Variants in TTC7A observed in about 807,000 individuals in gnomAD.
TTC7A encodes tetratricopeptide repeat protein 7A.
In TTC7A, 110 loss-of-function variants were observed where a neutral mutation model predicts 103.7. That is an observed-to-expected ratio of 1.06 (90% CI 0.91 to 1.24). The LOEUF (loss-of-function observed/expected upper bound fraction) is 1.24. TTC7A is among the 50% of genes most tolerant of loss of function. The pLI is 0.00. For synonymous variants in TTC7A, 521 were observed against 467.9 expected (o/e 1.11, Z -1.47); for missense variants, 1,340 against 1,116.3 (o/e 1.20, Z -2.86).
At chr2:46,933,428 C>G (rs1669814291) in intron 2 of TTC7A, among the ~76,000 whole-genome samples, 1 of 152,198 alleles carries the variant, frequency 6.6e-6, no homozygotes, top group African/African-American at 2.4e-5. Context: ...ACAAAGAATT[C>G]ATGATTCTGA....
chr2:47,042,058 G>A (rs1188119575), intron 15 of TTC7A, among the ~76,000 whole-genome samples: 1 of 152,174 alleles, frequency 6.6e-6, no homozygotes, highest in African/African-American at 2.4e-5. Flanking sequence ...CCTGCGGGTG[G>A]TAGAGACAAG....
At chr2:46,989,513 C>G (rs1306888545) in intron 5 of TTC7A, among the ~76,000 whole-genome samples, 1 of 152,176 alleles carries the variant, frequency 6.6e-6, no homozygotes. Flanking sequence ...TGTGCTTTCT[C>G]ATTTCTCAGA....
intron 8 of TTC7A, among the ~76,000 whole-genome samples, chr2:46,997,542 A>G (rs1335163914): frequency 6.6e-6 from 1 of 152,226 alleles, no homozygotes; most frequent in Non-Finnish European, 1.5e-5. Flanking sequence ...GGTCCAGGAC[A>G]GGTATGGCTG....
chr2:47,037,681 T>TGGGCACCTTGCTGC (rs1231894917), intron 15 of TTC7A, among the ~76,000 whole-genome samples: 6 of 152,236 alleles, frequency 3.9e-5, no homozygotes, highest in African/African-American at 1.4e-4. Flanking sequence ...GGCACTGCTG[T>TGGGCACCTTGCTGC]GGGCACCTTG....
intron 11 of TTC7A, among the ~76,000 whole-genome samples, chr2:47,017,530 C>G (rs1266835982): frequency 3.9e-5 from 6 of 151,934 alleles, no homozygotes; most frequent in Non-Finnish European, 7.4e-5. Flanking sequence ...GAGCGAGACC[C>G]CATCTCAAAA....
intron 8 of TTC7A, 117 bp downstream of exon 8, chr2:46,995,316 C>T: frequency 1.0e-6 from 1 of 988,358 alleles, no homozygotes; most frequent in South Asian, 1.4e-5. Context: ...CAGGGATACT[C>T]CTAAAGTAGA....
At chr2:47,057,083 A>T (rs1160378945) in intron 18 of TTC7A, among the ~76,000 whole-genome samples, 1 of 152,220 alleles carries the variant, frequency 6.6e-6, no homozygotes, top group African/African-American at 2.4e-5. Context: ...CCCCAGGGCT[A>T]CTGCAGCTAT....
At chr2:46,962,160 C>G (rs1458005082) in intron 3 of TTC7A, among the ~76,000 whole-genome samples, 1 of 152,212 alleles carries the variant, frequency 6.6e-6, no homozygotes, top group Non-Finnish European at 1.5e-5. Context: ...CTCCTGGTGT[C>G]CAACATAATC....
intron 18 of TTC7A, among the ~76,000 whole-genome samples, chr2:47,054,561 G>A (rs114113890): frequency 0.035 from 5,327 of 152,012 alleles, 330 homozygotes; most frequent in African/African-American, 0.12. Flanking sequence ...GGCCGGGTGC[G>A]GTGGCTCATG....
intron 3 of TTC7A, among the ~76,000 whole-genome samples, chr2:46,959,061 G>A (rs192514426): frequency 1.2e-4 from 18 of 152,280 alleles, no homozygotes; most frequent in East Asian, 5.8e-4. Context: ...ACTCATGCGC[G>A]GATCTCACAG....
intron 5 of TTC7A, among the ~76,000 whole-genome samples, chr2:46,985,219 T>G (rs1674892144): frequency 6.6e-6 from 1 of 151,458 alleles, no homozygotes; most frequent in South Asian, 2.1e-4. Context: ...CTGAGGCACA[T>G]GTTTTGGTCC....
At position 47,073,683 on chromosome 2, in the gene TTC7A, C is replaced by T; in HGVS notation, c.2356-19C>T. The T allele has an allele frequency of 6.2e-7, 1 of 1,612,330 alleles. No individual in the cohort carries two copies. Among genetic ancestry groups the T allele is most frequent in the Middle Eastern group, 1.7e-4 (1 of 6,056 alleles). ...CCATGGGACACCCCTACTCACCCTG[C>T]CCTGTGCTTCGTCCACAGGGTCTGA... On this transcript the variant is annotated intron_variant, in intron 19 of 19. Transcript: ENST00000319190.
At chr2:46,951,435 A>G (rs1368987363) in intron 2 of TTC7A, among the ~76,000 whole-genome samples, 2 of 152,124 alleles carry the variant, frequency 1.3e-5, no homozygotes, top group Non-Finnish European at 2.9e-5. Flanking sequence ...ATCCTGAACT[A>G]TAATAGTGGC....
At chr2:46,968,646 C>G (rs1229983191) in intron 3 of TTC7A, among the ~76,000 whole-genome samples, 1 of 152,190 alleles carries the variant, frequency 6.6e-6, no homozygotes, top group Non-Finnish European at 1.5e-5. Context: ...TTGGAAATTG[C>G]TTTATAGAGG....
At chr2:46,997,338 G>C (rs900420227) in intron 8 of TTC7A, among the ~76,000 whole-genome samples, 3 of 152,144 alleles carry the variant, frequency 2.0e-5, no homozygotes, top group Admixed American at 2.0e-4. Flanking sequence ...TTTACAGGTA[G>C]GTGGTGAAAG....
chr2:46,967,433 G>A (rs1252929287), intron 3 of TTC7A, among the ~76,000 whole-genome samples: 1 of 151,972 alleles, frequency 6.6e-6, no homozygotes, highest in Non-Finnish European at 1.5e-5. Flanking sequence ...CCTAACCCCT[G>A]GCAACCACTC....
chr2:46,971,960 T>TAGGGAGGGAGGGAGGC (rs1329295409), intron 3 of TTC7A, among the ~76,000 whole-genome samples: 2 of 108,066 alleles, frequency 1.9e-5, no homozygotes, highest in Non-Finnish European at 3.8e-5. Context: ...GGGACGGAGG[T>TAGGGAGGGAGGGAGGC]AGGGAGGGAG....
upstream of TTC7A, chr2:46,916,089 C>T: frequency 1.0e-6 from 1 of 985,546 alleles, no homozygotes; most frequent in Non-Finnish European, 1.2e-6. Flanking sequence ...CGTAGTTCCA[C>T]GGGCGACGTA....
intron 8 of TTC7A, among the ~76,000 whole-genome samples, chr2:47,001,416 G>A (rs1440068544): frequency 6.6e-6 from 1 of 152,210 alleles, no homozygotes; most frequent in Non-Finnish European, 1.5e-5. Flanking sequence ...TTCAGCCTCA[G>A]CTCCCTGGGA....
Sources: allele counts gnomAD v4.1 joint callset (sites outside exome capture counted in the v4.1 genomes callset), GRCh38; gene constraint gnomAD v4.1.1; transcripts MANE v1.5; gene names NCBI Gene and HGNC (gene_info 2026-07-23, HGNC 2026-07-21).